The following HAUS1 variants were observed in gnomAD, a reference collection of about 807,000 sequenced individuals.
HAUS1 encodes the protein HAUS augmin-like complex subunit 1.
A neutral mutation model predicts 38.6 loss-of-function variants in HAUS1; 25 were observed. The observed-to-expected ratio is 0.65, with a 90% CI of 0.47 to 0.91. The LOEUF (loss-of-function observed/expected upper bound fraction) is 0.91, where lower values mean the gene tolerates loss of function less well. Among genes scored for constraint, HAUS1 ranks in the 40% least tolerant of loss-of-function variants. The pLI is 0.00. For synonymous variants in HAUS1, 109 were observed against 112.9 expected (o/e 0.97, Z 0.22); for missense variants, 325 against 328.4 (o/e 0.99, Z 0.08).
At chr18:46,114,197 C>G (rs1911745570) in intron 2 of HAUS1, among the ~76,000 whole-genome samples, 1 of 152,218 alleles carries the variant, frequency 6.6e-6, no homozygotes, top group Admixed American at 6.5e-5. Context: ...TAGCCTGTAT[C>G]TTGAATCTGC....
At chr18:46,119,379 TG>T (rs1911878105) in intron 3 of HAUS1, among the ~76,000 whole-genome samples, 1 of 151,990 alleles carries the variant, frequency 6.6e-6, no homozygotes, top group South Asian at 2.1e-4. Flanking sequence ...GTATAAGCAC[TG>T]GGGAAGCAGG....
At chr18:46,106,840 C>G (rs1261726902) in intron 2 of HAUS1, 1 of 152,032 alleles carries the variant, frequency 6.6e-6, no homozygotes, top group Admixed American at 6.6e-5. Context: ...GATGGTAAAA[C>G]CCCGTCTCTA....
In HAUS1 at chr18:46,105,546, ATGTATGTGTG is replaced by A. The variant is rs1461232375; in HGVS notation, c.205+182_205+191del. 2,478 of 479,204 alleles carry A rather than the reference ATGTATGTGTG, an allele frequency of 5.2e-3. 91 individuals carry two copies. The highest frequency in any genetic ancestry group is 0.037 in the African/African-American group (1,674 of 45,456). 29.7% of individuals were successfully genotyped at this position (479,204 alleles called of 1,614,324 possible). On this transcript the variant is annotated intron_variant, in intron 2 of 8. Coordinates refer to ENST00000282058, the MANE Select transcript of HAUS1 (RefSeq NM_138443.4). ...TTGTTTTATGTTTATATATATGTAT[ATGTATGTGTG>A]TGTGTGTGTGTGTGTGTGTGTGTGT...
chr18:46,109,856 A>C (rs1014365174), intron 2 of HAUS1: 1 of 152,214 alleles, frequency 6.6e-6, no homozygotes, highest in African/African-American at 2.4e-5. Context: ...TCCTGACCTC[A>C]TGATCCGCCC....
chr18:46,108,271 C>CTTT (rs1166729740), intron 2 of HAUS1, among the ~76,000 whole-genome samples: 19 of 115,210 alleles, frequency 1.6e-4, no homozygotes, highest in East Asian at 5.1e-4. Context: ...GAATTTACTT[C>CTTT]TTTTTTTTTT....
At chr18:46,114,764 G>A (rs1461468362) in intron 2 of HAUS1, among the ~76,000 whole-genome samples, 2 of 152,170 alleles carry the variant, frequency 1.3e-5, no homozygotes, top group Admixed American at 6.6e-5. Context: ...TGTCTGGAGT[G>A]GAGTCTCCAC....
intron 4 of HAUS1, 76 bp downstream of exon 4, chr18:46,120,136 A>G: frequency 2.9e-6 from 3 of 1,028,976 alleles, no homozygotes; most frequent in Non-Finnish European, 4.2e-6. Flanking sequence ...TAGTTTTGGC[A>G]GTAGGTGTGA....
chr18:46,109,019 T>C (rs1258516628), intron 2 of HAUS1, among the ~76,000 whole-genome samples: 5 of 144,662 alleles, frequency 3.5e-5, no homozygotes, highest in Non-Finnish European at 6.0e-5. Flanking sequence ...TGCAGTATGC[T>C]GAGATCGCGC....
intron 2 of HAUS1, among the ~76,000 whole-genome samples, chr18:46,105,742 C>T (rs1410816787): frequency 6.6e-6 from 1 of 151,722 alleles, no homozygotes; most frequent in East Asian, 1.9e-4. Context: ...CCACCACACC[C>T]GGCTAATTTT....
chr18:46,118,154 C>T lies in HAUS1; in HGVS notation c.206-27C>T, dbSNP rs544347211. ...AAAAATTTTTAAAAAAGCAAACAGT[C>T]ACTATGGAACTCTTTCATGTTTTTA... On this transcript the variant is annotated intron_variant, in intron 2 of 8. Transcript: ENST00000282058. 5 of 1,606,680 alleles carry T rather than the reference C, an allele frequency of 3.1e-6. No individual in the cohort carries two copies. The African/African-American group carries it at 6.7e-5, about 22-fold the overall frequency.
intron 2 of HAUS1, among the ~76,000 whole-genome samples, chr18:46,113,258 G>A (rs1431519927): frequency 6.6e-6 from 1 of 151,170 alleles, no homozygotes; most frequent in Non-Finnish European, 1.5e-5. Flanking sequence ...TGTATTTTTA[G>A]TAAAGATAGG....
rs1003829817 is a variant in HAUS1, at chr18:46,120,157, A to G, written c.476+97A>G. On this transcript the variant is annotated intron_variant, in intron 4 of 8. Coordinates refer to ENST00000282058, the MANE Select transcript of HAUS1 (RefSeq NM_138443.4). ...TGGCAGTAGGTGTGATTTTAAAAACATTAGGAAATGGGATCCATAAAACAT... is the reference window on the plus strand; with the variant it reads ...TGGCAGTAGGTGTGATTTTAAAAACGTTAGGAAATGGGATCCATAAAACAT... 2.0e-5 allele frequency: 16 copies of G among 781,166 alleles called. No individual in the cohort carries two copies. The African/African-American group carries it at 2.2e-4, about 11-fold the overall frequency. The allele number at this position is 781,166 out of a possible 1,614,324, so 48.4% of individuals were successfully genotyped here. A position where few individuals can be genotyped will look rare whatever the true frequency, so the allele number is the denominator to read the frequency against.
intron 3 of HAUS1, 130 bp downstream of exon 3, chr18:46,118,446 GT>G: frequency 5.4e-6 from 4 of 746,412 alleles, no homozygotes; most frequent in Non-Finnish European, 8.8e-6. Context: ...GTTACTTCAT[GT>G]CTTTGCCAGT....
rs760438266 is a variant in HAUS1 at position 46,104,419 on chromosome 18, C to T, written c.8C>T (p.Pro3Leu). Residue 3 changes from proline (P) to leucine (L), a missense_variant, in exon 1 of 9, where the codon CCG becomes CTG. Pro to Leu is a moderately conservative substitution (Grantham distance 98, BLOSUM62 -3). Coordinates refer to ENST00000282058, the MANE Select transcript of HAUS1 (RefSeq NM_138443.4). Reference protein sequence around the residue: MEPQEERETQVAA... With the variant: MELQEERETQVAA... ...GTGGCGGGAGCCGCAGCTATGGAGC[C>T]GCAGGAGGAGAGAGAAACGCAGGTG... 6.8e-6 allele frequency: 10 copies of T among 1,462,056 alleles called. No homozygotes were observed. Among genetic ancestry groups the T allele is most frequent in the South Asian group, 1.4e-5 (1 of 72,298 alleles). 90.6% of individuals were successfully genotyped at this position (1,462,056 alleles called of 1,614,324 possible).
chr18:46,110,333 G>GTTTTTTTTTTTTT (rs71160713), intron 2 of HAUS1, among the ~76,000 whole-genome samples: 3 of 50,014 alleles, frequency 6.0e-5, no homozygotes, highest in Non-Finnish European at 3.5e-5. Context: ...TTTTTTTAAG[G>GTTTTTTTTTTTTT]TTTTTTTTTT....
intron 3 of HAUS1, among the ~76,000 whole-genome samples, chr18:46,118,726 C>T (rs1461862832): frequency 6.6e-6 from 1 of 152,182 alleles, no homozygotes; most frequent in African/African-American, 2.4e-5. Flanking sequence ...ATTCTTCCAA[C>T]AACCTTTAGA....
chr18:46,117,233 A>G (rs1911818661), intron 2 of HAUS1, among the ~76,000 whole-genome samples: 1 of 152,242 alleles, frequency 6.6e-6, no homozygotes, highest in Admixed American at 6.5e-5. Flanking sequence ...CATTTACTGA[A>G]TAAATGTTTT....
At chr18:46,125,482 G>A (rs1912075805) in intron 7 of HAUS1, among the ~76,000 whole-genome samples, 1 of 151,688 alleles carries the variant, frequency 6.6e-6, no homozygotes, top group Non-Finnish European at 1.5e-5. Context: ...AGGAGGCAGA[G>A]GCTGCAGTGA....
At chr18:46,123,922 T>C (rs553291585) in intron 6 of HAUS1, among the ~76,000 whole-genome samples, 5 of 152,280 alleles carry the variant, frequency 3.3e-5, no homozygotes, top group East Asian at 1.9e-4. Flanking sequence ...TTTTTATAAA[T>C]AGAGATGGGG....
Sources: gnomAD v4.1 joint callset for allele counts (sites outside exome capture counted in the v4.1 genomes callset) on GRCh38, gnomAD v4.1.1 for gene constraint, MANE v1.5 for transcripts, NCBI Gene and HGNC (gene_info 2026-07-23, HGNC 2026-07-21) for gene names.